The following GTF2A1 variants were observed in gnomAD, a reference collection of about 807,000 sequenced individuals.
GTF2A1 encodes transcription initiation factor IIA subunit 1.
A neutral mutation model predicts 54.1 loss-of-function variants in GTF2A1; 12 were observed. The ratio of observed to expected loss-of-function variants is 0.22; its 90% CI spans 0.14 to 0.36. The LOEUF is 0.36. GTF2A1 is among the 10% of genes least tolerant of loss of function. The pLI, the probability that GTF2A1 is intolerant of heterozygous loss-of-function variation, is 1.00. For synonymous variants in GTF2A1, 145 were observed against 152.0 expected (o/e 0.95, Z 0.34); for missense variants, 335 against 442.2 (o/e 0.76, Z 2.17).
intron 8 of GTF2A1, among the ~76,000 whole-genome samples, chr14:81,181,704 C>T (rs1892642520): frequency 6.6e-6 from 1 of 152,104 alleles, no homozygotes; most frequent in Admixed American, 6.5e-5. Flanking sequence ...ACCATCACGC[C>T]CAGCTAATTT....
chr14:81,200,329 A>T (rs1893077461), intron 4 of GTF2A1, among the ~76,000 whole-genome samples: 1 of 152,002 alleles, frequency 6.6e-6, no homozygotes, highest in Non-Finnish European at 1.5e-5. Flanking sequence ...TTTTGGTTTA[A>T]AAAAAAACTT....
chr14:81,216,365 GT>G (rs776576345), intron 2 of GTF2A1, 47 bp downstream of exon 2: 2 of 822,312 alleles, frequency 2.4e-6, no homozygotes, highest in Non-Finnish European at 4.2e-6. Flanking sequence ...TAAAGAAAAT[GT>G]TTTGTGGGGG....
rs1176042568 is a variant in GTF2A1, at chr14:81,220,542, G to C, written c.-24C>G. 8 of 1,554,276 alleles carry C rather than the reference G, an allele frequency of 5.1e-6. No individual in the cohort carries two copies. Among genetic ancestry groups the C allele is most frequent in the Middle Eastern group, 1.7e-4 (1 of 5,948 alleles). On this transcript the variant is annotated 5_prime_UTR_variant, in exon 1 of 9. Coordinates refer to ENST00000553612, the MANE Select transcript of GTF2A1 (RefSeq NM_015859.4). ...ATTTCCACACACAACACAAACAAGAGGGGGCAACCCCAAGAAAACAAGATA... is the reference window on the plus strand; with the variant it reads ...ATTTCCACACACAACACAAACAAGACGGGGCAACCCCAAGAAAACAAGATA...
chr14:81,183,641 T>C (rs1392779062), intron 8 of GTF2A1, among the ~76,000 whole-genome samples: 1 of 152,184 alleles, frequency 6.6e-6, no homozygotes, highest in Non-Finnish European at 1.5e-5. Context: ...CCCTCTTAAA[T>C]TTCCTAATTA....
chr14:81,187,605 C>T (rs756280613), intron 7 of GTF2A1, among the ~76,000 whole-genome samples: 8 of 152,140 alleles, frequency 5.3e-5, no homozygotes, highest in Non-Finnish European at 8.8e-5. Context: ...TAAATGGAAT[C>T]ATATAATATG....
At chr14:81,184,554 A>C (rs935422739) in intron 8 of GTF2A1, among the ~76,000 whole-genome samples, 2 of 152,216 alleles carry the variant, frequency 1.3e-5, no homozygotes, top group Non-Finnish European at 2.9e-5. Flanking sequence ...TTAGTAAATA[A>C]GATCCATAGT....
Position 81,212,029 on chromosome 14 carries a change from G to A in GTF2A1, c.132+4384C>T, listed in dbSNP as rs192104571. On this transcript the variant is annotated intron_variant, in intron 2 of 8. Transcript: ENST00000553612. ...GAAGAGTGCTACTGGCATCTAGTGG[G>A]CAGAGGCCAGTTGTGCTGCTAACAT... 2.6e-5 allele frequency among the ~76,000 whole-genome samples: 4 copies of A among 151,612 alleles called. No individual in the cohort carries two copies. The East Asian group carries it at 5.8e-4, about 22-fold the overall frequency.
intron 1 of GTF2A1, among the ~76,000 whole-genome samples, chr14:81,216,841 T>C (rs1284998937): frequency 6.6e-6 from 1 of 152,250 alleles, no homozygotes; most frequent in African/African-American, 2.4e-5. Context: ...TGGCTTCTAC[T>C]ATTCCATGCT....
intron 2 of GTF2A1, among the ~76,000 whole-genome samples, chr14:81,206,546 A>C (rs1893235362): frequency 6.6e-6 from 1 of 152,222 alleles, no homozygotes; most frequent in African/African-American, 2.4e-5. Context: ...TCTATCCTCT[A>C]TAAATCAGTG....
chr14:81,196,963 A>G (rs1415324647), intron 5 of GTF2A1, among the ~76,000 whole-genome samples: 1 of 152,218 alleles, frequency 6.6e-6, no homozygotes, highest in Admixed American at 6.5e-5. Context: ...TTCAAGCACC[A>G]ATATGCCAAA....
intron 2 of GTF2A1, among the ~76,000 whole-genome samples, chr14:81,204,495 T>C (rs574967516): frequency 3.3e-5 from 5 of 152,314 alleles, no homozygotes; most frequent in East Asian, 3.9e-4. Flanking sequence ...CTTATAAAAA[T>C]AGAAAATACA....
At chr14:81,202,998 T>G (rs116063528) in intron 3 of GTF2A1, among the ~76,000 whole-genome samples, 3,089 of 152,286 alleles carry the variant, frequency 0.02, 98 homozygotes, top group African/African-American at 0.07. Flanking sequence ...GGCAAATGAG[T>G]AACTAAATGA....
At chr14:81,202,732 T>A (rs1358771460) in intron 3 of GTF2A1, 1 of 518,774 alleles carries the variant, frequency 1.9e-6, no homozygotes, top group Non-Finnish European at 3.8e-6. Context: ...AACAGATAAC[T>A]CCATTATCCT....
Position 81,192,735 on chromosome 14 carries a change from T to G in GTF2A1, c.717A>C (p.Thr239=). ...CTTGGGCTGGTGTAGGTGCTGCCAC[T>G]GTCGTAGGTATAACTTGAGTCTTAT... ...TGNKTQVIPT[T]VAAPTPAQAQ... Residue 239 remains threonine, a synonymous_variant, in exon 7 of 9, where the codon ACA becomes ACC. Coordinates refer to ENST00000553612, the MANE Select transcript of GTF2A1 (RefSeq NM_015859.4). The G allele has an allele frequency of 6.2e-7, 1 of 1,613,770 alleles. No individual in the cohort carries two copies. The highest frequency in any genetic ancestry group is 8.5e-7 in the Non-Finnish European group (1 of 1,179,594).
Position 81,203,954 on chromosome 14 carries a change from T to G in GTF2A1, c.283A>C (p.Thr95Pro). Residue 95 changes from threonine (T) to proline (P), a missense_variant, in exon 3 of 9, where the codon ACA becomes CCA. Around this residue, in one of 2 missense-constraint regions of GTF2A1, gnomAD observed 306 missense variants for 360.4 expected, o/e 0.85. Transcript: ENST00000553612. ...TGGGTCTGCGCTTGCTGAGGTACTG[T>G]CTGCTGAGGCTGAGCTTGCTGATGA... ...HHHQQAQPQQTVPQQAQTQQV... is the reference protein window; with the variant it reads ...HHHQQAQPQQPVPQQAQTQQV... 1 of 1,614,126 alleles carries G rather than the reference T, an allele frequency of 6.2e-7. No homozygotes were observed. The highest frequency in any genetic ancestry group is 8.5e-7 in the Non-Finnish European group (1 of 1,180,004).
At chr14:81,189,353 G>C (rs1018794966) in intron 7 of GTF2A1, among the ~76,000 whole-genome samples, 4 of 152,124 alleles carry the variant, frequency 2.6e-5, no homozygotes, top group Non-Finnish European at 5.9e-5. Context: ...CAGGAAACAT[G>C]AACATATCTC....
intron 1 of GTF2A1, among the ~76,000 whole-genome samples, chr14:81,219,288 A>T (rs1893554515): frequency 6.6e-6 from 1 of 152,176 alleles, no homozygotes. Context: ...AGGACCTAGA[A>T]ATAAACTGAG....
At chr14:81,198,911 T>C in intron 4 of GTF2A1, among the ~76,000 whole-genome samples, 1 of 152,214 alleles carries the variant, frequency 6.6e-6, no homozygotes, top group East Asian at 1.9e-4. Flanking sequence ...TGTTGCCACT[T>C]GACAAACCTA....
chr14:81,183,723 C>A (rs532688004), intron 8 of GTF2A1, among the ~76,000 whole-genome samples: 116 of 152,268 alleles, frequency 7.6e-4, no homozygotes, highest in Non-Finnish European at 1.3e-3. Flanking sequence ...CCTTATCCAC[C>A]CACACGTAAG....
Sources: gnomAD v4.1 joint callset for allele counts (sites outside exome capture counted in the v4.1 genomes callset) on GRCh38, gnomAD v4.1.1 for gene constraint, gnomAD v4.1.1 regional missense constraint, MANE v1.5 for transcripts, NCBI Gene and HGNC (gene_info 2026-07-23, HGNC 2026-07-21) for gene names.